ADCY6: variants seen among roughly 807,000 people sequenced by gnomAD.
The protein encoded by ADCY6 is adenylate cyclase type 6.
Under a neutral mutation model 111.6 loss-of-function variants are expected in ADCY6, and 59 were observed. That is an observed-to-expected ratio of 0.53 (90% CI 0.43 to 0.66). The LOEUF (loss-of-function observed/expected upper bound fraction) is 0.66, where lower values mean the gene tolerates loss of function less well. Among genes scored for constraint, ADCY6 ranks in the 30% least tolerant of loss-of-function variants. The pLI, the probability that ADCY6 is intolerant of heterozygous loss-of-function variation, is 0.00. For synonymous variants in ADCY6, 576 were observed against 642.9 expected, an observed-to-expected ratio of 0.90 and a Z score of 1.57; for missense variants, 1,242 against 1,595.6, an observed-to-expected ratio of 0.78 and a Z score of 3.78.
At chr12:48,781,253 G>A (rs561123926) in intron 2 of ADCY6, among the ~76,000 whole-genome samples, 1 of 151,888 alleles carries the variant, frequency 6.6e-6, no homozygotes, top group Admixed American at 6.5e-5. Flanking sequence ...TGCAGCACAG[G>A]CTGGGTGGAG....
chr12:48,773,402 G>T, intron 16 of ADCY6, 67 bp downstream of exon 16: 2 of 1,542,576 alleles, frequency 1.3e-6, no homozygotes, highest in Non-Finnish European at 1.8e-6. Context: ...GCACCAGAGA[G>T]GCTCACAGTG....
rs1488414489 is a variant in ADCY6 at position 48,770,890 on chromosome 12, G to A, written c.3132C>T (p.Asn1044=). 1.1e-5 allele frequency: 17 copies of A among 1,614,128 alleles called. No homozygotes were observed. Among genetic ancestry groups the A allele is most frequent in the South Asian group, 2.2e-5 (2 of 91,092 alleles). The part of the protein sequence containing the change: ...GSTYMAASGL[N]ASTYDQVGRS... Reference sequence around the variant, plus strand: ...GGCCCACCTGATCGTAGGTGCTGGCGTTCAGCCCTGAGGCAGCCATGTAGG... The same window carrying A: ...GGCCCACCTGATCGTAGGTGCTGGCATTCAGCCCTGAGGCAGCCATGTAGG... The change falls in exon 20 of 22, where the codon AAC becomes AAT. Residue 1044 remains asparagine (N), a synonymous_variant. Transcript: ENST00000357869.
chr12:48,770,992 G>A (rs770483197), intron 19 of ADCY6, 22 bp from the exon 20 acceptor site: 1 of 1,608,156 alleles, frequency 6.2e-7, no homozygotes, highest in South Asian at 1.1e-5. Flanking sequence ...AAGGAGACCT[G>A]GCTGTCAAGG....
intron 1 of ADCY6, among the ~76,000 whole-genome samples, chr12:48,788,029 C>T (rs999597395): frequency 6.6e-6 from 1 of 151,924 alleles, no homozygotes; most frequent in Non-Finnish European, 1.5e-5. Context: ...TTAAAAACGA[C>T]TTCAGAAAGT....
At position 48,782,098 on chromosome 12, in the gene ADCY6, T is replaced by C. The variant is rs958942208; in HGVS notation, c.864+473A>G. On this transcript the variant is annotated intron_variant, in intron 2 of 21. Coordinates refer to ENST00000357869, the MANE Select transcript of ADCY6 (RefSeq NM_015270.5). This position sits in a 1 kb window ranked among gnomAD's most constrained non-coding sequence, Gnocchi z 4.3. ...CCAAAACCTGCTCTATACCTCCAGA[T>C]CACCACCTAGAGCTGCTCTTCAGGG... Among the ~76,000 whole-genome samples, 2 of 152,118 alleles carry C rather than the reference T, an allele frequency of 1.3e-5. No individual in the cohort carries two copies. The highest frequency in any genetic ancestry group is 4.8e-5 in the African/African-American group (2 of 41,408).
Position 48,785,140 on chromosome 12 carries a change from GCTCT to G in ADCY6, c.-4-1706_-4-1703del, listed in dbSNP as rs1363123121. On this transcript the variant is annotated intron_variant, in intron 1 of 21. Coordinates refer to ENST00000357869, the MANE Select transcript of ADCY6 (RefSeq NM_015270.5). ...TAAAATAGCAACCCCCTTTCCTGGAGCTCTCTATCTTTTTCCCAGCTTTATGCTT... is the reference window on the plus strand; with the variant it reads ...TAAAATAGCAACCCCCTTTCCTGGAGCTATCTTTTTCCCAGCTTTATGCTT... Among the ~76,000 whole-genome samples, 10 of 152,278 alleles carry G rather than the reference GCTCT, an allele frequency of 6.6e-5. No individual in the cohort carries two copies. In the East Asian group the frequency reaches 9.7e-4, roughly 15 times the overall value.
chr12:48,783,667 G>T (rs1941915486), intron 1 of ADCY6: 2 of 980,298 alleles, frequency 2.0e-6, no homozygotes, highest in African/African-American at 3.3e-5. Flanking sequence ...CCAAAACCAG[G>T]CACAGTGGCT....
In ADCY6 at chr12:48,768,719, G is replaced by A; in HGVS notation, c.3382-3C>T. 1 of 1,613,650 alleles carries A rather than the reference G, an allele frequency of 6.2e-7. No individual in the cohort carries two copies. On this transcript the variant is annotated splice_region_variant and splice_polypyrimidine_tract_variant and intron_variant, in intron 21 of 21. Coordinates refer to ENST00000357869, the MANE Select transcript of ADCY6 (RefSeq NM_015270.5). Reference sequence around the variant, plus strand: ...ACCTGGTACAGGTCCGTGGTCACCTGGGGGAGTGGGAGGGGAGCCCGCTTA... The same window carrying A: ...ACCTGGTACAGGTCCGTGGTCACCTAGGGGAGTGGGAGGGGAGCCCGCTTA...
intron 21 of ADCY6, 76 bp from the exon 22 acceptor site, chr12:48,768,792 G>A: frequency 6.3e-7 from 1 of 1,579,900 alleles, no homozygotes; most frequent in Non-Finnish European, 8.6e-7. Flanking sequence ...GGGTTCTCTA[G>A]TCAGGCTAGC....
At position 48,777,597 on chromosome 12, in the gene ADCY6, C is replaced by G; in HGVS notation, c.1136+18G>C. On this transcript the variant is annotated intron_variant, in intron 4 of 21. Coordinates refer to ENST00000357869, the MANE Select transcript of ADCY6 (RefSeq NM_015270.5). The surrounding 1 kb of genome is among the most constrained non-coding windows in gnomAD (Gnocchi z 4.9). ...CAGACCCCCCGCCCTGCTGGGCATCCTCCTACCCTCACCCTACCTGACATT... is the reference window on the plus strand; with the variant it reads ...CAGACCCCCCGCCCTGCTGGGCATCGTCCTACCCTCACCCTACCTGACATT... 1 of 1,613,186 alleles carries G rather than the reference C, an allele frequency of 6.2e-7. No individual in the cohort carries two copies. Among genetic ancestry groups the G allele is most frequent in the Admixed American group, 1.7e-5 (1 of 59,972 alleles).
At chr12:48,778,341 G>A in intron 2 of ADCY6, 84 bp from the exon 3 acceptor site, 2 of 1,568,178 alleles carry the variant, frequency 1.3e-6, no homozygotes, top group Non-Finnish European at 1.7e-6. Flanking sequence ...CAACTTGCTA[G>A]GTTCTCTGAG....
intron 1 of ADCY6, among the ~76,000 whole-genome samples, chr12:48,788,602 G>A (rs998058471): frequency 4.6e-5 from 7 of 152,072 alleles, no homozygotes; most frequent in African/African-American, 1.7e-4. Flanking sequence ...ACTCAGGCCA[G>A]CCCCTCCCCC....
Position 48,774,686 on chromosome 12 carries a change from C to T in ADCY6, c.2166+5G>A, listed in dbSNP as rs1380973979. The T allele has an allele frequency of 5.0e-6, 8 of 1,613,614 alleles. No individual in the cohort carries two copies. The highest frequency in any genetic ancestry group is 2.2e-5 in the South Asian group (2 of 91,060). On this transcript the variant is annotated splice_donor_5th_base_variant and intron_variant, in intron 13 of 21. Transcript: ENST00000357869. ...CCCAACAGCCTCAGAAATCCCCTTA[C>T]GTACAGAACCACAGGAGTACACAGC...
chr12:48,789,036 C>A lies in ADCY6; in HGVS notation c.-135G>T, dbSNP rs964938786. 3 of 149,970 alleles carry A rather than the reference C, an allele frequency of 2.0e-5. No individual in the cohort carries two copies. The highest frequency in any genetic ancestry group is 1.9e-4 in the South Asian group (1 of 5,282). The allele number at this position is 149,970 out of a possible 1,614,324, so 9.3% of individuals were successfully genotyped here. On this transcript the variant is annotated 5_prime_UTR_variant, in exon 1 of 22. Coordinates refer to ENST00000357869, the MANE Select transcript of ADCY6 (RefSeq NM_015270.5). Reference sequence around the variant, plus strand: ...GCCGTCCCGCCCGCCGTCCGCCGTCCGCCGTCCGCCCGGCCCTCGCCCCCT... The same window carrying A: ...GCCGTCCCGCCCGCCGTCCGCCGTCAGCCGTCCGCCCGGCCCTCGCCCCCT...
chr12:48,776,727 A>C lies in ADCY6; in HGVS notation c.1377-141T>G. ...GACGGGAGCACAGCCTTGGTTGGAC[A>C]TGAGCAGAAGGCTGCATGGGGCTCA... On this transcript the variant is annotated intron_variant, in intron 6 of 21. Coordinates refer to ENST00000357869, the MANE Select transcript of ADCY6 (RefSeq NM_015270.5). This position sits in a 1 kb window ranked among gnomAD's most constrained non-coding sequence, Gnocchi z 6.1. 1 of 1,172,106 alleles carries C rather than the reference A, an allele frequency of 8.5e-7. No individual in the cohort carries two copies. The highest frequency in any genetic ancestry group is 1.2e-6 in the Non-Finnish European group (1 of 856,420). The allele number at this position is 1,172,106 out of a possible 1,614,324, so 72.6% of individuals were successfully genotyped here.
upstream of ADCY6, chr12:48,789,336 G>C (rs940698387): frequency 6.6e-6 from 1 of 152,238 alleles, no homozygotes; most frequent in Non-Finnish European, 1.5e-5. Context: ...TACTGTTCTG[G>C]GATCAAGACC....
chr12:48,777,584 C>T lies in ADCY6; in HGVS notation c.1136+31G>A. ...CCTCAAAGACTTCCAGACCCCCCGC[C>T]CTGCTGGGCATCCTCCTACCCTCAC... On this transcript the variant is annotated intron_variant, in intron 4 of 21. Transcript: ENST00000357869. The surrounding 1 kb of genome is among the most constrained non-coding windows in gnomAD (Gnocchi z 4.9). 6.2e-7 allele frequency: 1 copy of T among 1,612,980 alleles called. No homozygotes were observed. Among genetic ancestry groups the T allele is most frequent in the South Asian group, 1.1e-5 (1 of 91,064 alleles).
intron 2 of ADCY6, among the ~76,000 whole-genome samples, chr12:48,780,356 G>A (rs1478813465): frequency 5.9e-5 from 9 of 152,136 alleles, no homozygotes; most frequent in Non-Finnish European, 1.3e-4. Flanking sequence ...GTGGATCTGG[G>A]AAGGGGCTGC....
chr12:48,776,725 A>T lies in ADCY6; in HGVS notation c.1377-139T>A. 1 of 1,186,580 alleles carries T rather than the reference A, an allele frequency of 8.4e-7. No homozygotes were observed. Among genetic ancestry groups the T allele is most frequent in the South Asian group, 1.6e-5 (1 of 62,726 alleles). 73.5% of individuals were successfully genotyped at this position (1,186,580 alleles called of 1,614,324 possible). On this transcript the variant is annotated intron_variant, in intron 6 of 21. Transcript: ENST00000357869. The surrounding 1 kb of genome is among the most constrained non-coding windows in gnomAD (Gnocchi z 6.1). ...GGGACGGGAGCACAGCCTTGGTTGG[A>T]CATGAGCAGAAGGCTGCATGGGGCT...
Sources: allele counts gnomAD v4.1 joint callset (sites outside exome capture counted in the v4.1 genomes callset), GRCh38; gene constraint gnomAD v4.1.1; non-coding constraint Gnocchi (gnomAD v3.1); transcripts MANE v1.5; gene names NCBI Gene and HGNC (gene_info 2026-07-23, HGNC 2026-07-21).